The following HUNK variants were observed in gnomAD, a reference collection of about 807,000 sequenced individuals.
HUNK encodes hormonally up-regulated Neu-associated kinase.
A neutral mutation model predicts 61.0 loss-of-function variants in HUNK; 21 were observed. The observed-to-expected ratio is 0.34, with a 90% CI of 0.24 to 0.50. The LOEUF (loss-of-function observed/expected upper bound fraction) is 0.50, where lower values mean the gene tolerates loss of function less well. Ranked by LOEUF, HUNK falls within the 20% of genes least tolerant of loss-of-function variation. The probability of loss-of-function intolerance (pLI) is 0.98; values close to 1 mark genes in which losing one functional copy is unlikely to be tolerated. For synonymous variants in HUNK, 371 were observed against 386.1 expected, an observed-to-expected ratio of 0.96 and a Z score of 0.46; for missense variants, 772 against 945.7, an observed-to-expected ratio of 0.82 and a Z score of 2.41.
chr21:31,949,246 C>T lies in HUNK; in HGVS notation c.746+3075C>T, dbSNP rs56255680. Among the ~76,000 whole-genome samples, 1,402 of 152,218 alleles carry T rather than the reference C, an allele frequency of 9.2e-3. 16 individuals are homozygous for T. Among genetic ancestry groups the T allele is most frequent in the African/African-American group, 0.031 (1,304 of 41,516 alleles). On this transcript the variant is annotated intron_variant, in intron 4 of 10. Transcript: ENST00000270112. ...CCAGGTGGGCTGGGGTCATGTGGAG[C>T]TAGTGGAATGGAGCAGGGAGCAGCA...
At chr21:31,887,720 AGCGTGGT>A (rs1347084748) in intron 1 of HUNK, among the ~76,000 whole-genome samples, 2 of 152,162 alleles carry the variant, frequency 1.3e-5, no homozygotes, top group African/African-American at 4.8e-5. Context: ...GTGAACACAG[AGCGTGGT>A]GCTAAGAGAT....
intron 4 of HUNK, among the ~76,000 whole-genome samples, chr21:31,954,343 T>G (rs1376331686): frequency 6.6e-6 from 1 of 152,238 alleles, no homozygotes; most frequent in African/African-American, 2.4e-5. Flanking sequence ...GGAAGAACGT[T>G]CTCGATAACT....
At chr21:31,928,834 T>C (rs568671821) in intron 2 of HUNK, among the ~76,000 whole-genome samples, 1 of 152,380 alleles carries the variant, frequency 6.6e-6, no homozygotes, top group East Asian at 1.9e-4. Context: ...ATAAAGAATT[T>C]TCTCCTTTAT....
chr21:31,993,009 G>A (rs2053181469), intron 9 of HUNK, among the ~76,000 whole-genome samples: 1 of 152,150 alleles, frequency 6.6e-6, no homozygotes, highest in Non-Finnish European at 1.5e-5. Flanking sequence ...ATATGCTAGG[G>A]GTTCTTGGAG....
chr21:31,904,759 A>G (rs527804686), intron 1 of HUNK, among the ~76,000 whole-genome samples: 2 of 152,338 alleles, frequency 1.3e-5, no homozygotes, highest in South Asian at 4.1e-4. Flanking sequence ...CTTAACTCCT[A>G]GTACCATAGA....
At chr21:31,875,012 C>T (rs2052249402) in intron 1 of HUNK, among the ~76,000 whole-genome samples, 1 of 152,200 alleles carries the variant, frequency 6.6e-6, no homozygotes, top group South Asian at 2.1e-4. Flanking sequence ...CCTGTCATCT[C>T]GGGCTCAAGA....
intron 1 of HUNK, among the ~76,000 whole-genome samples, chr21:31,891,244 G>A (rs566818363): frequency 5.3e-5 from 8 of 152,324 alleles, no homozygotes; most frequent in African/African-American, 1.9e-4. Context: ...GGGCGTGGTG[G>A]CCCACCCCTG....
chr21:31,945,100 C>G (rs1337092766), intron 3 of HUNK, among the ~76,000 whole-genome samples: 1 of 152,102 alleles, frequency 6.6e-6, no homozygotes, highest in Non-Finnish European at 1.5e-5. Context: ...AGCCCTGCAG[C>G]CCGAGTCTTC....
At chr21:31,917,492 C>G (rs2052591636) in intron 1 of HUNK, among the ~76,000 whole-genome samples, 1 of 152,174 alleles carries the variant, frequency 6.6e-6, no homozygotes, top group South Asian at 2.1e-4. Flanking sequence ...TTTTCCACCA[C>G]TGCAGGACTT....
chr21:31,974,549 T>C lies in HUNK; in HGVS notation c.1011-6T>C. 1 of 1,611,744 alleles carries C rather than the reference T, an allele frequency of 6.2e-7. No individual in the cohort carries two copies. Among genetic ancestry groups the C allele is most frequent in the Non-Finnish European group, 8.5e-7 (1 of 1,178,922 alleles). On this transcript the variant is annotated splice_region_variant and splice_polypyrimidine_tract_variant and intron_variant, in intron 6 of 10. Coordinates refer to ENST00000270112, the MANE Select transcript of HUNK (RefSeq NM_014586.2). ...GTGACTGGTCCTCTCTCTCTGCACC[T>C]CGCAGGATTTCTCTGGAAGATCTGA...
chr21:31,966,164 G>GT (rs2052964997), intron 5 of HUNK, among the ~76,000 whole-genome samples: 1 of 152,082 alleles, frequency 6.6e-6, no homozygotes, highest in African/African-American at 2.4e-5. Context: ...ACAATGTTTG[G>GT]TTTTTCCATT....
intron 6 of HUNK, among the ~76,000 whole-genome samples, chr21:31,971,556 T>C (rs981930174): frequency 7.9e-5 from 12 of 152,312 alleles, no homozygotes; most frequent in African/African-American, 2.9e-4. Context: ...CTTTATAAAG[T>C]ATGTTTTATA....
intron 2 of HUNK, among the ~76,000 whole-genome samples, chr21:31,938,662 T>C (rs540192660): frequency 8.5e-5 from 13 of 152,246 alleles, no homozygotes; most frequent in Non-Finnish European, 1.5e-4. Context: ...CTCTTGCTTA[T>C]CTCTCTATTC....
chr21:31,902,386 T>C (rs145467141), intron 1 of HUNK, among the ~76,000 whole-genome samples: 4,271 of 152,218 alleles, frequency 0.028, 92 homozygotes, highest in Middle Eastern at 0.051. Context: ...GGCGCATGCC[T>C]GGAATCCCAG....
intron 5 of HUNK, among the ~76,000 whole-genome samples, chr21:31,961,424 T>A (rs1411875897): frequency 1.3e-5 from 2 of 152,206 alleles, no homozygotes; most frequent in East Asian, 3.9e-4. Context: ...AAGAGTGAAA[T>A]TGCTGGGTTG....
At chr21:31,951,047 A>G (rs932756660) in intron 4 of HUNK, among the ~76,000 whole-genome samples, 2 of 152,056 alleles carry the variant, frequency 1.3e-5, no homozygotes, top group Admixed American at 6.6e-5. Flanking sequence ...ATAATTAACA[A>G]TGGAAATGGG....
rs549177402 is a variant in HUNK at position 31,938,197 on chromosome 21, C to G, written c.555-1968C>G. Among the ~76,000 whole-genome samples the G allele has an allele frequency of 5.3e-5, 8 of 152,298 alleles. No homozygotes were observed. In the South Asian group the frequency reaches 1.7e-3, roughly 32 times the overall value. On this transcript the variant is annotated intron_variant, in intron 2 of 10. Coordinates refer to ENST00000270112, the MANE Select transcript of HUNK (RefSeq NM_014586.2). ...TGGCTGACATAACCCCTGCCCACCCCGCAACTGTTCTTTCCCAGTTTGCTG... is the reference window on the plus strand; with the variant it reads ...TGGCTGACATAACCCCTGCCCACCCGGCAACTGTTCTTTCCCAGTTTGCTG...
intron 8 of HUNK, among the ~76,000 whole-genome samples, chr21:31,986,977 A>G (rs1425442831): frequency 6.6e-6 from 1 of 152,186 alleles, no homozygotes; most frequent in East Asian, 1.9e-4. Flanking sequence ...GAGTTCCAGA[A>G]GAGTGGGCTC....
chr21:31,979,512 ATTCTTTTTTTT>A (rs574045090), intron 7 of HUNK, among the ~76,000 whole-genome samples: 13,099 of 99,168 alleles, frequency 0.13, 1,531 homozygotes, highest in Non-Finnish European at 0.18. Context: ...AGTTGTTTGC[ATTCTTTTTTTT>A]TTTTTTTTTT....
Sources: allele counts gnomAD v4.1 joint callset (sites outside exome capture counted in the v4.1 genomes callset), GRCh38; gene constraint gnomAD v4.1.1; transcripts MANE v1.5; gene names NCBI Gene and HGNC (gene_info 2026-07-23, HGNC 2026-07-21).